The following SLC8A3 variants were observed in gnomAD, a reference collection of about 807,000 sequenced individuals.
SLC8A3 encodes the protein sodium/calcium exchanger 3.
Under a neutral mutation model 65.4 loss-of-function variants are expected in SLC8A3, and 37 were observed. The ratio of observed to expected loss-of-function variants is 0.57; its 90% CI spans 0.44 to 0.74. The LOEUF (loss-of-function observed/expected upper bound fraction) is 0.74, where lower values mean the gene tolerates loss of function less well. SLC8A3 is among the 30% of genes least tolerant of loss of function. The pLI is 0.00. For synonymous variants in SLC8A3, 461 were observed against 444.5 expected, an observed-to-expected ratio of 1.04 and a Z score of -0.47; for missense variants, 1,112 against 1,172.1, an observed-to-expected ratio of 0.95 and a Z score of 0.75.
intron 2 of SLC8A3, among the ~76,000 whole-genome samples, chr14:70,072,595 G>GTCCATCCA (rs36178413): frequency 5.1e-4 from 76 of 149,796 alleles, no homozygotes; most frequent in East Asian, 3.8e-3. Flanking sequence ...CTATCTATCC[G>GTCCATCCA]TCCATCCATC....
chr14:70,135,238 T>C (rs552826706), intron 2 of SLC8A3, among the ~76,000 whole-genome samples: 3 of 152,250 alleles, frequency 2.0e-5, no homozygotes, highest in African/African-American at 7.2e-5. Flanking sequence ...AGACAAAATA[T>C]AACAAATTCT....
At position 70,060,930 on chromosome 14, in the gene SLC8A3, T is replaced by C. The variant is rs756999154; in HGVS notation, c.1794A>G (p.Ile598Met). Residue 598 changes from isoleucine to methionine, a missense_variant, in exon 3 of 7, where the codon ATA becomes ATG. Ile to Met is a conservative substitution (Grantham distance 10). Coordinates refer to ENST00000356921, the MANE Select transcript of SLC8A3 (RefSeq NM_182932.3). ...CCTCCTCATCTACTATTTTAACCCT[T>C]ATGGTTTTCCTGTAGGGACAACAAG... Reference protein sequence around the residue: ...EFKNDETVKTIRVKIVDEEEY... With the variant: ...EFKNDETVKTMRVKIVDEEEY... 6.8e-7 allele frequency: 1 copy of C among 1,477,232 alleles called. No homozygotes were observed. The highest frequency in any genetic ancestry group is 9.1e-7 in the Non-Finnish European group (1 of 1,098,552). The allele number at this position is 1,477,232 out of a possible 1,614,324, so 91.5% of individuals were successfully genotyped here.
chr14:70,084,071 G>C (rs139490256), intron 2 of SLC8A3, among the ~76,000 whole-genome samples: 172 of 152,270 alleles, frequency 1.1e-3, no homozygotes, highest in Middle Eastern at 0.01. Context: ...TCTATAAAAG[G>C]ATGTGATAAT....
rs1892197783 is a variant in SLC8A3 at position 70,096,635 on chromosome 14, C to T, written c.1785-35696G>A. On this transcript the variant is annotated intron_variant, in intron 2 of 6. Coordinates refer to ENST00000356921, the MANE Select transcript of SLC8A3 (RefSeq NM_182932.3). ...CTCTATCACTCCACACCTCAGTTTA[C>T]TCATGTATCAAATGGGGGTATTTAC... 2.0e-5 allele frequency among the ~76,000 whole-genome samples: 3 copies of T among 152,178 alleles called. No individual in the cohort carries two copies. The South Asian group carries it at 6.2e-4, about 32-fold the overall frequency.
chr14:70,061,808 G>C (rs1488798947), intron 2 of SLC8A3, among the ~76,000 whole-genome samples: 1 of 152,108 alleles, frequency 6.6e-6, no homozygotes, highest in Admixed American at 6.5e-5. Flanking sequence ...TCCAAAACTG[G>C]TTTCCTCAAT....
Position 70,178,986 on chromosome 14 carries a change from T to A in SLC8A3, c.-63+9393A>T, listed in dbSNP as rs568180851. Among the ~76,000 whole-genome samples the A allele has an allele frequency of 4.6e-5, 7 of 152,300 alleles. No homozygotes were observed. In the South Asian group the frequency reaches 1.2e-3, roughly 27 times the overall value. On this transcript the variant is annotated intron_variant, in intron 1 of 6. Transcript: ENST00000356921. ...ACTGACTTCTCATCTAGCTTCTAAC[T>A]TGCTGACCTTTCAAATCTCCTACCA...
intron 2 of SLC8A3, among the ~76,000 whole-genome samples, chr14:70,097,958 T>A (rs1342184729): frequency 2.0e-5 from 3 of 152,194 alleles, no homozygotes; most frequent in African/African-American, 7.2e-5. Flanking sequence ...ACCTCCAATG[T>A]GTTAGTGTTG....
chr14:70,108,699 C>T (rs770321764), intron 2 of SLC8A3, among the ~76,000 whole-genome samples: 22 of 152,176 alleles, frequency 1.4e-4, no homozygotes, highest in Admixed American at 3.3e-4. Context: ...AAGAATCTTC[C>T]ATCCTTAGAT....
chr14:70,088,464 C>T (rs764079877), intron 2 of SLC8A3, among the ~76,000 whole-genome samples: 1 of 152,154 alleles, frequency 6.6e-6, no homozygotes, highest in Non-Finnish European at 1.5e-5. Flanking sequence ...CCCCATCAGG[C>T]TATCAATGCT....
At chr14:70,094,182 G>C (rs1223472730) in intron 2 of SLC8A3, among the ~76,000 whole-genome samples, 1 of 152,228 alleles carries the variant, frequency 6.6e-6, no homozygotes, top group Non-Finnish European at 1.5e-5. Context: ...CCCACCAATG[G>C]GAGGCAGTGG....
At chr14:70,117,718 C>A (rs894338080) in intron 2 of SLC8A3, among the ~76,000 whole-genome samples, 6 of 152,142 alleles carry the variant, frequency 3.9e-5, no homozygotes, top group African/African-American at 1.2e-4. Flanking sequence ...TGCACGTGCA[C>A]CTTTCATATA....
intron 2 of SLC8A3, among the ~76,000 whole-genome samples, chr14:70,161,399 T>C (rs17175848): frequency 0.11 from 16,109 of 150,658 alleles, 1,143 homozygotes; most frequent in Non-Finnish European, 0.16. Context: ...AATGCCTCAC[T>C]GTACTGCTAA....
At chr14:70,134,719 C>A (rs1348109777) in intron 2 of SLC8A3, among the ~76,000 whole-genome samples, 1 of 152,166 alleles carries the variant, frequency 6.6e-6, no homozygotes, top group Non-Finnish European at 1.5e-5. Context: ...CACCCTAAGG[C>A]CATCTTCACA....
intron 1 of SLC8A3, among the ~76,000 whole-genome samples, chr14:70,175,411 A>T (rs1897839967): frequency 6.6e-6 from 1 of 152,204 alleles, no homozygotes; most frequent in Non-Finnish European, 1.5e-5. Flanking sequence ...GGGCTATGAA[A>T]CTTGGTGTGT....
intron 2 of SLC8A3, among the ~76,000 whole-genome samples, chr14:70,145,939 G>A (rs1292742069): frequency 6.6e-6 from 1 of 151,164 alleles, no homozygotes; most frequent in Non-Finnish European, 1.5e-5. Context: ...AAAGAAGGAA[G>A]GAAGGAAGGA....
chr14:70,086,654 T>G lies in SLC8A3; in HGVS notation c.1785-25715A>C, dbSNP rs1566769667. Among the ~76,000 whole-genome samples the G allele has an allele frequency of 2.6e-5, 4 of 152,288 alleles. No individual in the cohort carries two copies. The East Asian group carries it at 7.7e-4, about 29-fold the overall frequency. On this transcript the variant is annotated intron_variant, in intron 2 of 6. Transcript: ENST00000356921. ...CCTGATCTCAAGTGGTCTGCCCCCC[T>G]CAGCCTCCCAAAGTGCTGAGCCACT...
intron 2 of SLC8A3, among the ~76,000 whole-genome samples, chr14:70,163,586 T>C (rs1458736085): frequency 6.6e-6 from 1 of 152,172 alleles, no homozygotes; most frequent in African/African-American, 2.4e-5. Flanking sequence ...TCCATTTCGG[T>C]TTCCAGACTG....
In SLC8A3 at chr14:70,089,145, C is replaced by G. The variant is rs1384078068; in HGVS notation, c.1785-28206G>C. ...AAACTTCTTAGCATGCTGAAAGAGG[C>G]CTTTTTCTAGAATGTTGTTACTTGT... On this transcript the variant is annotated intron_variant, in intron 2 of 6. Transcript: ENST00000356921. Among the ~76,000 whole-genome samples, 6 of 152,274 alleles carry G rather than the reference C, an allele frequency of 3.9e-5. No homozygotes were observed. The South Asian group carries it at 1.2e-3, about 32-fold the overall frequency.
intron 2 of SLC8A3, among the ~76,000 whole-genome samples, chr14:70,108,621 G>A (rs72729895): frequency 0.07 from 10,604 of 152,162 alleles, 464 homozygotes; most frequent in Middle Eastern, 0.13. Flanking sequence ...CGTTTGGCAG[G>A]AGGACTGCTC....
Sources: allele counts gnomAD v4.1 joint callset (sites outside exome capture counted in the v4.1 genomes callset), GRCh38; gene constraint gnomAD v4.1.1; transcripts MANE v1.5; gene names NCBI Gene and HGNC (gene_info 2026-07-23, HGNC 2026-07-21).